Variants in PIGQ observed in about 807,000 individuals in gnomAD.
The protein encoded by PIGQ is phosphatidylinositol N-acetylglucosaminyltransferase subunit Q.
In PIGQ, 54 loss-of-function variants were observed where a neutral mutation model predicts 60.3. The ratio of observed to expected loss-of-function variants is 0.90; its 90% CI spans 0.72 to 1.12. The LOEUF (loss-of-function observed/expected upper bound fraction) is 1.12. Among genes scored for constraint, PIGQ ranks in the 50% most tolerant of loss-of-function variants. PIGQ has a pLI of 0.00. For missense variants in PIGQ, 799 were observed against 793.5 expected (o/e 1.01, Z -0.08); for synonymous variants, 416 against 363.7 (o/e 1.14, Z -1.64).
intron 6 of PIGQ, 28 bp downstream of exon 6, chr16:578,966 GC>G (rs1567176716): frequency 1.4e-6 from 2 of 1,397,760 alleles, no homozygotes. Context: ...CCTCCCCACC[GC>G]CCCCTGGGAG....
rs762076149 is a variant in PIGQ at position 576,254 on chromosome 16, C to T, written c.942C>T (p.Asp314=). ...HLADALVPVA[D]HVAEELQHLL... is the part of the protein sequence containing the mutation. ...CCGACGCCCTCGTTCCTGTGGCTGA[C>T]GTGAGTGGACTGGGGTGGAGCCCGG... The change falls in exon 4 of 11, where the codon GAC becomes GAT. Residue 314 remains aspartate (D), a splice_region_variant and synonymous_variant. Transcript: ENST00000321878. 9.6e-6 allele frequency: 15 copies of T among 1,555,046 alleles called. No homozygotes were observed. Among genetic ancestry groups the T allele is most frequent in the South Asian group, 2.4e-5 (2 of 84,496 alleles).
rs377161206 is a variant in PIGQ, at chr16:580,945, C to T, written c.1504C>T (p.Arg502Trp). Reference protein sequence around the residue: ...NSLPLYSLGLRLCRPYRLAAG... With the variant: ...NSLPLYSLGLWLCRPYRLAAG... ...CCTGCCGCTGTACTCACTGGGTCTT[C>T]GGCTCTGCCGGCCCTACAGGCTGGC... Residue 502 changes from arginine to tryptophan, a missense_variant, in exon 9 of 11, where the codon CGG (arginine) becomes TGG (tryptophan). By Grantham distance (101) the Arg-to-Trp change is moderately radical. Coordinates refer to ENST00000321878, the MANE Select transcript of PIGQ (RefSeq NM_004204.5). 78 of 1,610,164 alleles carry T rather than the reference C, an allele frequency of 4.8e-5. No individual in the cohort carries two copies. The highest frequency in any genetic ancestry group is 5.9e-5 in the Non-Finnish European group (70 of 1,178,132).
chr16:579,171 C>T lies in PIGQ; in HGVS notation c.1326C>T (p.Asp442=), dbSNP rs1306157663. The T allele has an allele frequency of 1.6e-5, 26 of 1,611,572 alleles. No individual in the cohort carries two copies. Among genetic ancestry groups the T allele is most frequent in the Non-Finnish European group, 2.1e-5 (25 of 1,178,704 alleles). ...AGCGCGTGGACTCCTGTTCCTATGACCTGGACCAGGTATGGGGCAGGGTTC... is the reference window on the plus strand; with the variant it reads ...AGCGCGTGGACTCCTGTTCCTATGATCTGGACCAGGTATGGGGCAGGGTTC... ...LRQRVDSCSY[D]LDQLFIGTLL... Residue 442 remains aspartate (D), a synonymous_variant, in exon 7 of 11, where the codon GAC becomes GAT. Transcript: ENST00000321878.
chr16:583,356 A>C lies in PIGQ; in HGVS notation c.*321A>C. On this transcript the variant is annotated 3_prime_UTR_variant, in exon 11 of 11. Coordinates refer to ENST00000321878, the MANE Select transcript of PIGQ (RefSeq NM_004204.5). ...GCACTGCCCCATGCCCACCCTGTGTACCCAGGTCCAGAGGGTCCGTCCACC... is the reference window on the plus strand; with the variant it reads ...GCACTGCCCCATGCCCACCCTGTGTCCCCAGGTCCAGAGGGTCCGTCCACC... The C allele has an allele frequency of 6.2e-7, 1 of 1,612,000 alleles. No individual in the cohort carries two copies. The highest frequency in any genetic ancestry group is 8.5e-7 in the Non-Finnish European group (1 of 1,179,526).
Position 582,152 on chromosome 16 carries a change from CG to C in PIGQ, c.1532-93del, listed in dbSNP as rs528306946. 46 of 898,630 alleles carry C rather than the reference CG, an allele frequency of 5.1e-5. No individual in the cohort carries two copies. The East Asian group carries it at 1.2e-3, about 24-fold the overall frequency. 55.7% of individuals were successfully genotyped at this position (898,630 alleles called of 1,614,324 possible). ...GTGGGTGGCCACGGCCAGCAGCACC[CG>C]GGTGCCCCTCAGAGAGGAAGGTACC... is the stretch of plus-strand genomic sequence containing the variant. On this transcript the variant is annotated intron_variant, in intron 9 of 10. Transcript: ENST00000321878.
chr16:570,490 G>A (rs1007265241), intron 1 of PIGQ: 1 of 152,154 alleles, frequency 6.6e-6, no homozygotes, highest in Non-Finnish European at 1.5e-5. Context: ...TTTTGAGAGG[G>A]AGTCTCGCTC....
At chr16:582,148 C>A in intron 9 of PIGQ, 100 bp from the exon 10 acceptor site, 1 of 868,912 alleles carries the variant, frequency 1.2e-6, no homozygotes, top group Non-Finnish European at 1.9e-6. Context: ...CGGCCAGCAG[C>A]ACCCGGGTGC....
At chr16:576,580 C>T (rs1046832042) in intron 4 of PIGQ, 1 of 508,802 alleles carries the variant, frequency 2.0e-6, no homozygotes, top group East Asian at 3.1e-5. Flanking sequence ...TCAGCGTTGC[C>T]CTCCTGGCTC....
intron 4 of PIGQ, 178 bp from the exon 5 acceptor site, chr16:578,201 G>T: frequency 1.6e-6 from 1 of 615,486 alleles, no homozygotes; most frequent in Non-Finnish European, 2.8e-6. Context: ...AGCCTCCTCA[G>T]ACCCCAATCC....
At position 576,164 on chromosome 16, in the gene PIGQ, G is replaced by A. The variant is rs776506046; in HGVS notation, c.852G>A (p.Leu284=). 2 of 1,549,390 alleles carry A rather than the reference G, an allele frequency of 1.3e-6. No homozygotes were observed. The highest frequency in any genetic ancestry group is 2.4e-5 in the South Asian group (2 of 84,068). ...RKANTVASVL[L]DVALGLMLLS... is the part of the protein sequence containing the mutation. ...CCAACACGGTGGCCTCTGTGCTGCT[G>A]GACGTGGCCCTGGGCCTCATGCTGC... Residue 284 remains leucine, a synonymous_variant, in exon 4 of 11, where the codon CTG becomes CTA. Coordinates refer to ENST00000321878, the MANE Select transcript of PIGQ (RefSeq NM_004204.5).
At position 575,916 on chromosome 16, in the gene PIGQ, A is replaced by G. The variant is rs1216138536; in HGVS notation, c.767A>G (p.His256Arg). The change falls in exon 3 of 11, where the codon CAC (histidine) becomes CGC (arginine). Residue 256 changes from histidine (H) to arginine (R), a missense_variant. His to Arg is a conservative substitution (Grantham distance 29). Transcript: ENST00000321878. ...TCEQLRHRLEHLTLIFSTRKA... is the reference protein window; with the variant it reads ...TCEQLRHRLERLTLIFSTRKA... ...GAACAGCTCCGGCACCGGCTGGAGC[A>G]CCTCACGCTAATCTTCAGTACACGG... is the stretch of plus-strand genomic sequence containing the variant. 6.3e-7 allele frequency: 1 copy of G among 1,579,556 alleles called. No homozygotes were observed. Among genetic ancestry groups the G allele is most frequent in the Admixed American group, 1.8e-5 (1 of 55,174 alleles).
rs2035776739 is a variant in PIGQ, at chr16:579,410, G to C, written c.1335+230G>C. ...AAGAGACAGACACACAGCCCCGAAG[G>C]TGGTGCAGGCACAGGCCCTAGAGGT... is the stretch of plus-strand genomic sequence containing the variant. On this transcript the variant is annotated intron_variant, in intron 7 of 10. Coordinates refer to ENST00000321878, the MANE Select transcript of PIGQ (RefSeq NM_004204.5). The C allele has an allele frequency of 7.1e-6, 4 of 566,530 alleles. No individual in the cohort carries two copies. In the South Asian group the frequency reaches 8.0e-5, roughly 11 times the overall value. 35.1% of individuals were successfully genotyped at this position (566,530 alleles called of 1,614,324 possible).
chr16:572,362 G>C (rs776290504), intron 1 of PIGQ: 28 of 379,704 alleles, frequency 7.4e-5, no homozygotes, highest in Non-Finnish European at 1.4e-4. Context: ...TCCCTTTTCA[G>C]CTAGAACCCA....
Position 583,349 on chromosome 16 carries a change from C to A in PIGQ, c.*314C>A. On this transcript the variant is annotated 3_prime_UTR_variant, in exon 11 of 11. Coordinates refer to ENST00000321878, the MANE Select transcript of PIGQ (RefSeq NM_004204.5). ...GTCCAGAGCACTGCCCCATGCCCAC[C>A]CTGTGTACCCAGGTCCAGAGGGTCC... 1 of 1,612,568 alleles carries A rather than the reference C, an allele frequency of 6.2e-7. No homozygotes were observed. The highest frequency in any genetic ancestry group is 8.5e-7 in the Non-Finnish European group (1 of 1,179,782).
chr16:583,310 C>G lies in PIGQ; in HGVS notation c.*275C>G. 6.2e-7 allele frequency: 1 copy of G among 1,612,868 alleles called. No individual in the cohort carries two copies. The highest frequency in any genetic ancestry group is 8.5e-7 in the Non-Finnish European group (1 of 1,179,966). On this transcript the variant is annotated 3_prime_UTR_variant, in exon 11 of 11. Coordinates refer to ENST00000321878, the MANE Select transcript of PIGQ (RefSeq NM_004204.5). ...GCTGCGGTCACCATGGTGGCGAGCA[C>G]AGCAACCCCAGGTGTCCAGAGCACT... is the stretch of plus-strand genomic sequence containing the variant.
At chr16:575,428 C>G (rs1037523314) in intron 2 of PIGQ, among the ~76,000 whole-genome samples, 1 of 152,168 alleles carries the variant, frequency 6.6e-6, no homozygotes, top group African/African-American at 2.4e-5. Flanking sequence ...TTGCCCCCTG[C>G]CTTAGACCCG....
chr16:574,907 C>T (rs911995232), intron 2 of PIGQ, 144 bp downstream of exon 2: 1 of 668,682 alleles, frequency 1.5e-6, no homozygotes, highest in Admixed American at 3.0e-5. Context: ...GGGCTTTGGC[C>T]CCATCCTGCT....
At chr16:580,132 C>T (rs373452773) in intron 7 of PIGQ, 51 bp from the exon 8 acceptor site, 62 of 1,475,096 alleles carry the variant, frequency 4.2e-5, no homozygotes, top group Non-Finnish European at 5.5e-5. Flanking sequence ...GCTGGGCCGT[C>T]CCTGGGCGCG....
In PIGQ at chr16:583,756, G is replaced by C. The variant is rs763272230; in HGVS notation, c.*721G>C. On this transcript the variant is annotated 3_prime_UTR_variant, in exon 11 of 11. Transcript: ENST00000321878. The stretch of plus-strand genomic sequence containing the variant: ...TCGTCCACGGTGCCCCGTAGCAGCA[G>C]GTCCTGCGGCCAAATCTGTCTCCCT... 2.2e-5 allele frequency: 26 copies of C among 1,166,242 alleles called. No individual in the cohort carries two copies. Among genetic ancestry groups the C allele is most frequent in the Middle Eastern group, 3.8e-4 (2 of 5,258 alleles). The allele number at this position is 1,166,242 out of a possible 1,614,324, so 72.2% of individuals were successfully genotyped here.
Sources: gnomAD v4.1 joint callset for allele counts (sites outside exome capture counted in the v4.1 genomes callset) on GRCh38, gnomAD v4.1.1 for gene constraint, MANE v1.5 for transcripts, NCBI Gene and HGNC (gene_info 2026-07-23, HGNC 2026-07-21) for gene names.